Variants in MSRA observed in about 807,000 individuals in gnomAD.
MSRA encodes the protein mitochondrial peptide methionine sulfoxide reductase.
A neutral mutation model predicts 31.3 loss-of-function variants in MSRA; 54 were observed. The ratio of observed to expected loss-of-function variants is 1.73; its 90% confidence interval spans 1.39 to 2.17. The LOEUF (loss-of-function observed/expected upper bound fraction) is 2.17. Among genes scored for constraint, MSRA ranks in the 30% most tolerant of loss-of-function variants. The pLI is 0.00. For missense variants in MSRA, 507 were observed against 300.9 expected (o/e 1.69, Z -5.07); for synonymous variants, 169 against 116.5 (o/e 1.45, Z -2.90).
intron 2 of MSRA, among the ~76,000 whole-genome samples, chr8:10,214,169 C>T (rs560539834): frequency 1.1e-4 from 16 of 152,268 alleles, no homozygotes; most frequent in African/African-American, 3.9e-4. Context: ...TGTCGCACGG[C>T]ACATCTCTTT....
At position 10,319,969 on chromosome 8, in the gene MSRA, T is replaced by G. The variant is rs758859436; in HGVS notation, c.523T>G (p.Ser175Ala). The stretch of plus-strand genomic sequence containing the variant: ...CAAGCAAATGGAGGCAGCCCTGAGC[T>G]CCAAAGAGAACTACCAAAAGGTAGG... ...SAKQMEAALS[S>A]KENYQKVLSE... Residue 175 changes from serine to alanine, a missense_variant, in exon 5 of 6, where the codon TCC becomes GCC. Ser to Ala is a moderately conservative substitution (Grantham distance 99). Transcript: ENST00000317173. The G allele has an allele frequency of 1.4e-5, 23 of 1,598,836 alleles. No individual in the cohort carries two copies. Among genetic ancestry groups the G allele is most frequent in the Non-Finnish European group, 2.0e-5 (23 of 1,173,004 alleles).
chr8:10,171,971 G>C (rs1417681120), intron 1 of MSRA, among the ~76,000 whole-genome samples: 2 of 152,238 alleles, frequency 1.3e-5, no homozygotes, highest in Admixed American at 6.5e-5. Flanking sequence ...AATGGAACCA[G>C]AGGAACTTAG....
chr8:10,267,486 C>G (rs1442294132), intron 3 of MSRA, among the ~76,000 whole-genome samples: 1 of 152,120 alleles, frequency 6.6e-6, no homozygotes, highest in Admixed American at 6.5e-5. Flanking sequence ...CTTAGCACCA[C>G]TGCATTGACT....
intron 1 of MSRA, among the ~76,000 whole-genome samples, chr8:10,123,538 A>C (rs1426251880): frequency 1.3e-5 from 2 of 152,068 alleles, no homozygotes; most frequent in African/African-American, 4.8e-5. Flanking sequence ...CCCATTTGTC[A>C]ATTTTTTTCT....
intron 1 of MSRA, among the ~76,000 whole-genome samples, chr8:10,103,944 G>A (rs149485987): frequency 2.6e-4 from 40 of 152,104 alleles, no homozygotes; most frequent in African/African-American, 3.4e-4. Flanking sequence ...GAATTACAGC[G>A]TATACATGTA....
chr8:10,227,788 C>T (rs965836331), intron 2 of MSRA, among the ~76,000 whole-genome samples: 7 of 152,066 alleles, frequency 4.6e-5, no homozygotes, highest in South Asian at 4.1e-4. Context: ...ATCAATCAAC[C>T]GCTAATTGCT....
intron 1 of MSRA, among the ~76,000 whole-genome samples, chr8:10,164,901 G>T (rs899247531): frequency 2.0e-5 from 3 of 152,126 alleles, no homozygotes; most frequent in Non-Finnish European, 4.4e-5. Context: ...TGTCGCAGAC[G>T]CCTGTATTCC....
At chr8:10,207,796 T>A in intron 1 of MSRA, 37 bp from the exon 2 acceptor site, 2 of 1,580,736 alleles carry the variant, frequency 1.3e-6, no homozygotes, top group Non-Finnish European at 1.7e-6. Context: ...GTTAGAACTT[T>A]ACACTTAAAC....
At chr8:10,412,192 G>C (rs760612971) in intron 5 of MSRA, among the ~76,000 whole-genome samples, 5 of 152,214 alleles carry the variant, frequency 3.3e-5, no homozygotes, top group Non-Finnish European at 7.3e-5. Flanking sequence ...TCCGTTTTTA[G>C]TCTGAACAAA....
At chr8:10,129,636 G>T (rs1801753877) in intron 1 of MSRA, among the ~76,000 whole-genome samples, 1 of 152,104 alleles carries the variant, frequency 6.6e-6, no homozygotes, top group African/African-American at 2.4e-5. Context: ...GGACTGTGCA[G>T]ATCAGAAGGG....
intron 1 of MSRA, among the ~76,000 whole-genome samples, chr8:10,151,582 G>A (rs921106622): frequency 2.6e-5 from 4 of 152,102 alleles, no homozygotes; most frequent in South Asian, 2.1e-4. Flanking sequence ...CCCGGGAGGC[G>A]GAGCTTGCAG....
chr8:10,200,299 C>G (rs1460062427), intron 1 of MSRA, among the ~76,000 whole-genome samples: 2 of 152,282 alleles, frequency 1.3e-5, no homozygotes, highest in East Asian at 3.9e-4. Context: ...TCACTGTTGT[C>G]CAATTGTCCT....
chr8:10,339,936 C>A (rs1404725427), intron 5 of MSRA, among the ~76,000 whole-genome samples: 6 of 152,170 alleles, frequency 3.9e-5, no homozygotes, highest in Non-Finnish European at 7.4e-5. Context: ...GGCCCTACCC[C>A]ACCCAGGCCT....
At chr8:10,416,373 C>T (rs1808459708) in intron 5 of MSRA, among the ~76,000 whole-genome samples, 1 of 152,218 alleles carries the variant, frequency 6.6e-6, no homozygotes, top group Non-Finnish European at 1.5e-5. Context: ...GTATCACACC[C>T]CATGCCCGGG....
chr8:10,056,303 C>G (rs11779614), intron 1 of MSRA, among the ~76,000 whole-genome samples: 75,143 of 151,210 alleles, frequency 0.5, 20,680 homozygotes, highest in Non-Finnish European at 0.61. Context: ...TTGGCTTTAT[C>G]TTAACCAAAG....
chr8:10,348,033 A>G (rs1284215980), intron 5 of MSRA, among the ~76,000 whole-genome samples: 1 of 152,246 alleles, frequency 6.6e-6, no homozygotes, highest in Non-Finnish European at 1.5e-5. Context: ...TCTGTTGAGT[A>G]AATGAATGAT....
intron 4 of MSRA, among the ~76,000 whole-genome samples, chr8:10,319,302 A>G (rs1801908086): frequency 2.6e-5 from 4 of 152,188 alleles, no homozygotes; most frequent in African/African-American, 9.6e-5. Flanking sequence ...TGTCACACTC[A>G]GATAGAAACT....
At chr8:10,296,577 A>C (rs1212462927) in intron 3 of MSRA, among the ~76,000 whole-genome samples, 3 of 152,214 alleles carry the variant, frequency 2.0e-5, no homozygotes, top group Non-Finnish European at 4.4e-5. Context: ...CCATGTCATC[A>C]CGGCTGATTA....
chr8:10,109,368 G>A (rs1182015574), intron 1 of MSRA, among the ~76,000 whole-genome samples: 2 of 150,494 alleles, frequency 1.3e-5, no homozygotes, highest in Admixed American at 6.6e-5. Flanking sequence ...TGGAGATGGG[G>A]TCTTACTCTG....
Sources: allele counts gnomAD v4.1 joint callset (sites outside exome capture counted in the v4.1 genomes callset), GRCh38; gene constraint gnomAD v4.1.1; transcripts MANE v1.5; gene names NCBI Gene and HGNC (gene_info 2026-07-23, HGNC 2026-07-21).